Variants in KCNH7 observed in about 807,000 individuals in gnomAD.
The protein encoded by KCNH7 is potassium voltage-gated channel subfamily H member 7, also known as voltage-gated inwardly rectifying potassium channel KCNH7.
Under a neutral mutation model 120.8 loss-of-function variants are expected in KCNH7, and 49 were observed. That is an observed-to-expected ratio of 0.41 (90% CI 0.32 to 0.51). The LOEUF is 0.51. KCNH7 is among the 20% of genes least tolerant of loss of function. The pLI is 0.38. For missense variants in KCNH7, 1,097 were observed against 1,446.6 expected (o/e 0.76, Z 3.92); for synonymous variants, 547 against 516.1 (o/e 1.06, Z -0.81).
At chr2:162,556,278 C>T (rs1424486233) in intron 2 of KCNH7, among the ~76,000 whole-genome samples, 1 of 152,050 alleles carries the variant, frequency 6.6e-6, no homozygotes, top group Non-Finnish European at 1.5e-5. Flanking sequence ...TTTGTATTTA[C>T]TATTTTATGT....
intron 2 of KCNH7, among the ~76,000 whole-genome samples, chr2:162,733,097 A>G (rs929102863): frequency 1.3e-5 from 2 of 152,176 alleles, no homozygotes; most frequent in Non-Finnish European, 2.9e-5. Context: ...TGGGGCCAGG[A>G]CTTTCCAGGA....
chr2:162,652,205 G>A (rs549031859), intron 2 of KCNH7, among the ~76,000 whole-genome samples: 27 of 152,182 alleles, frequency 1.8e-4, no homozygotes, highest in Middle Eastern at 3.4e-3. Context: ...ATCTAAACTG[G>A]TATGTTCAAA....
At chr2:162,392,555 T>C (rs1314907065) in intron 12 of KCNH7, among the ~76,000 whole-genome samples, 2 of 152,008 alleles carry the variant, frequency 1.3e-5, no homozygotes, top group African/African-American at 4.8e-5. Flanking sequence ...CTATTTCAGT[T>C]ACTCTTTCCA....
chr2:162,804,648 A>T (rs305667), intron 2 of KCNH7, among the ~76,000 whole-genome samples: 4 of 152,062 alleles, frequency 2.6e-5, no homozygotes, highest in African/African-American at 9.7e-5. Context: ...GGAAGAATCA[A>T]TATTGTGAAA....
chr2:162,592,476 C>A (rs766134934), intron 2 of KCNH7, among the ~76,000 whole-genome samples: 12 of 151,978 alleles, frequency 7.9e-5, no homozygotes, highest in Non-Finnish European at 1.3e-4. Context: ...ACCACAAAAC[C>A]TGAAGCACTT....
intron 2 of KCNH7, among the ~76,000 whole-genome samples, chr2:162,725,976 A>T (rs182094405): frequency 1.3e-5 from 2 of 152,306 alleles, no homozygotes; most frequent in East Asian, 3.9e-4. Flanking sequence ...ATGCACAGTC[A>T]CGATTTTATT....
intron 6 of KCNH7, among the ~76,000 whole-genome samples, chr2:162,447,416 T>G (rs1422136808): frequency 6.6e-6 from 1 of 152,122 alleles, no homozygotes; most frequent in Non-Finnish European, 1.5e-5. Context: ...GGGTAAAATG[T>G]AAGCCTTAAT....
At chr2:162,736,079 A>C (rs1274902098) in intron 2 of KCNH7, among the ~76,000 whole-genome samples, 1 of 151,004 alleles carries the variant, frequency 6.6e-6, no homozygotes. Flanking sequence ...AAATCAGTGA[A>C]TGCTTTTCCT....
chr2:162,626,979 G>A lies in KCNH7; in HGVS notation c.308-89899C>T, dbSNP rs180992865. 2.0e-3 allele frequency among the ~76,000 whole-genome samples: 302 copies of A among 152,242 alleles called. 2 individuals are homozygous for A. The highest frequency in any genetic ancestry group is 6.9e-3 in the African/African-American group (285 of 41,558). On this transcript the variant is annotated intron_variant, in intron 2 of 15. Transcript: ENST00000332142. ...CATGTTGTCACTGAGTTTCTACATC[G>A]TGGCAATTTGTAAGATCATGCTTAT...
rs1433676487 is a variant in KCNH7 at position 162,401,119 on chromosome 2, A to G, written c.2155-678T>C. Among the ~76,000 whole-genome samples the G allele has an allele frequency of 3.3e-5, 5 of 151,928 alleles. No homozygotes were observed. The East Asian group carries it at 5.8e-4, about 18-fold the overall frequency. On this transcript the variant is annotated intron_variant, in intron 9 of 15. Transcript: ENST00000332142. The stretch of plus-strand genomic sequence containing the variant: ...TTGCACCAGAATTTGCAGTGCATAC[A>G]TAAGCTTCTAAAGTGCTACTGTTTT...
At chr2:162,577,961 G>A (rs1022897811) in intron 2 of KCNH7, among the ~76,000 whole-genome samples, 2 of 151,990 alleles carry the variant, frequency 1.3e-5, no homozygotes, top group African/African-American at 4.8e-5. Context: ...GGAGCCTAAG[G>A]AGATTAAGTT....
chr2:162,438,966 C>T (rs1001872533), intron 7 of KCNH7, among the ~76,000 whole-genome samples: 4 of 151,990 alleles, frequency 2.6e-5, no homozygotes, highest in African/African-American at 9.7e-5. Context: ...ACCCTTAGCC[C>T]CATTGTTTAG....
intron 2 of KCNH7, among the ~76,000 whole-genome samples, chr2:162,629,093 A>T (rs1427669458): frequency 6.6e-6 from 1 of 152,096 alleles, no homozygotes; most frequent in Non-Finnish European, 1.5e-5. Context: ...CTGTGTGGTG[A>T]TGTGGTGGAA....
intron 3 of KCNH7, among the ~76,000 whole-genome samples, chr2:162,522,634 T>C (rs761253857): frequency 6.6e-6 from 1 of 151,936 alleles, no homozygotes; most frequent in African/African-American, 2.4e-5. Flanking sequence ...ATTTGATTTC[T>C]AACTTGAATA....
At chr2:162,624,469 T>C (rs191849069) in intron 2 of KCNH7, among the ~76,000 whole-genome samples, 1 of 152,234 alleles carries the variant, frequency 6.6e-6, no homozygotes, top group East Asian at 1.9e-4. Context: ...ATTGAAATCC[T>C]TTTCCCATCT....
At chr2:162,787,702 A>G (rs534613035) in intron 2 of KCNH7, among the ~76,000 whole-genome samples, 1 of 152,280 alleles carries the variant, frequency 6.6e-6, no homozygotes, top group South Asian at 2.1e-4. Context: ...ACTCAGACTC[A>G]AGGCCCAGAT....
chr2:162,438,121 A>T (rs1688307248), intron 7 of KCNH7, among the ~76,000 whole-genome samples: 1 of 152,216 alleles, frequency 6.6e-6, no homozygotes, highest in African/African-American at 2.4e-5. Flanking sequence ...TAAATGAAGT[A>T]TAATAAAAAT....
At chr2:162,501,606 A>G (rs1690687452) in intron 6 of KCNH7, among the ~76,000 whole-genome samples, 1 of 152,080 alleles carries the variant, frequency 6.6e-6, no homozygotes, top group Non-Finnish European at 1.5e-5. Context: ...GAAGTCCAAG[A>G]TCAAGTTGCC....
At chr2:162,770,488 G>A (rs1683004358) in intron 2 of KCNH7, among the ~76,000 whole-genome samples, 1 of 151,830 alleles carries the variant, frequency 6.6e-6, no homozygotes, top group Non-Finnish European at 1.5e-5. Flanking sequence ...CAGATTGTAC[G>A]CTTTGGGTCA....
Sources: allele counts gnomAD v4.1 joint callset (sites outside exome capture counted in the v4.1 genomes callset), GRCh38; gene constraint gnomAD v4.1.1; transcripts MANE v1.5; gene names NCBI Gene and HGNC (gene_info 2026-07-23, HGNC 2026-07-21).